The following ATP6V1H variants were observed in gnomAD, a reference collection of about 807,000 sequenced individuals.
The protein encoded by ATP6V1H is ATPase H+ transporting V1 subunit H, also known as V-type proton ATPase subunit H.
Under a neutral mutation model 71.7 loss-of-function variants are expected in ATP6V1H, and 39 were observed. The observed-to-expected ratio is 0.54, with a 90% CI of 0.42 to 0.71. ATP6V1H has a LOEUF of 0.71. Ranked by LOEUF, ATP6V1H falls within the 30% of genes least tolerant of loss-of-function variation. The pLI is 0.00. For missense variants in ATP6V1H, 509 were observed against 594.9 expected, an observed-to-expected ratio of 0.86 and a Z score of 1.50; for synonymous variants, 192 against 199.3, an observed-to-expected ratio of 0.96 and a Z score of 0.31.
At chr8:53,797,096 T>G (rs929458390) in intron 8 of ATP6V1H, among the ~76,000 whole-genome samples, 4 of 152,266 alleles carry the variant, frequency 2.6e-5, no homozygotes, top group African/African-American at 9.6e-5. Context: ...GTAAACACCC[T>G]AGTCCCTGGT....
In ATP6V1H at chr8:53,719,970, C is replaced by G. The variant is rs186494931; in HGVS notation, c.1392-3946G>C. 2.3e-3 allele frequency among the ~76,000 whole-genome samples: 348 copies of G among 152,178 alleles called. 2 individuals carry two copies. Among genetic ancestry groups the G allele is most frequent in the African/African-American group, 8.1e-3 (337 of 41,512 alleles). On this transcript the variant is annotated intron_variant, in intron 13 of 13. Transcript: ENST00000359530. Reference sequence around the variant, plus strand: ...AAATTACACTACTGTCAGGCAAAAGCAAAAACTAGTATAGATTTTACCTCA... The same window carrying G: ...AAATTACACTACTGTCAGGCAAAAGGAAAAACTAGTATAGATTTTACCTCA...
chr8:53,840,355 G>A (rs567446416), intron 2 of ATP6V1H, among the ~76,000 whole-genome samples: 17 of 152,194 alleles, frequency 1.1e-4, no homozygotes, highest in African/African-American at 3.4e-4. Flanking sequence ...AAAATTAGGC[G>A]GGCAAGGTGT....
intron 4 of ATP6V1H, among the ~76,000 whole-genome samples, chr8:53,820,049 C>G (rs985441212): frequency 3.3e-5 from 5 of 151,980 alleles, no homozygotes; most frequent in Non-Finnish European, 7.4e-5. Context: ...CAAAAGCTAT[C>G]TCTCATACTC....
At chr8:53,796,278 C>T (rs1809733745) in intron 8 of ATP6V1H, among the ~76,000 whole-genome samples, 1 of 151,872 alleles carries the variant, frequency 6.6e-6, no homozygotes, top group South Asian at 2.1e-4. Context: ...TTTGACATAG[C>T]CAATTACTGA....
At chr8:53,731,314 C>A (rs866934108) in intron 13 of ATP6V1H, among the ~76,000 whole-genome samples, 17 of 152,154 alleles carry the variant, frequency 1.1e-4, no homozygotes, top group African/African-American at 1.4e-4. Flanking sequence ...CTTATTGTCT[C>A]ATACCTCAGA....
intron 6 of ATP6V1H, among the ~76,000 whole-genome samples, chr8:53,814,009 C>A (rs1195046440): frequency 9.2e-5 from 14 of 152,094 alleles, no homozygotes; most frequent in Admixed American, 5.9e-4. Context: ...AGGGACTTGG[C>A]CAGACAAGGA....
intron 11 of ATP6V1H, among the ~76,000 whole-genome samples, chr8:53,759,049 G>A (rs1405962093): frequency 2.0e-5 from 3 of 152,170 alleles, no homozygotes; most frequent in African/African-American, 4.8e-5. Flanking sequence ...GCATCACCTG[G>A]TTACTTAGAA....
intron 8 of ATP6V1H, among the ~76,000 whole-genome samples, chr8:53,798,610 AACACACAC>A (rs59831761): frequency 9.4e-5 from 14 of 148,564 alleles, no homozygotes; most frequent in South Asian, 2.1e-4. Flanking sequence ...CAATGTGAGA[AACACACAC>A]ACACACACAC....
intron 11 of ATP6V1H, among the ~76,000 whole-genome samples, chr8:53,760,703 C>G (rs2130273571): frequency 6.6e-6 from 1 of 152,278 alleles, no homozygotes; most frequent in Non-Finnish European, 1.5e-5. Context: ...ACCCCACTGA[C>G]AGAACAGACT....
At position 53,769,604 on chromosome 8, in the gene ATP6V1H, A is replaced by C; in HGVS notation, c.1175+14T>G. On this transcript the variant is annotated intron_variant, in intron 11 of 13. Transcript: ENST00000359530. The stretch of plus-strand genomic sequence containing the variant: ...AACAGATATTAAGAGTGTAAAGTAG[A>C]ACAAAAAACTTACTTCAAGAGTTCA... 6.2e-7 allele frequency: 1 copy of C among 1,608,728 alleles called. No homozygotes were observed. Among genetic ancestry groups the C allele is most frequent in the Non-Finnish European group, 8.5e-7 (1 of 1,177,698 alleles).
chr8:53,753,997 G>A (rs921893335), intron 12 of ATP6V1H, among the ~76,000 whole-genome samples: 2 of 152,130 alleles, frequency 1.3e-5, no homozygotes, highest in African/African-American at 4.8e-5. Context: ...TTTAGTGCTA[G>A]TCCCCCAAGC....
At chr8:53,747,336 T>A (rs768876497) in intron 12 of ATP6V1H, among the ~76,000 whole-genome samples, 1 of 152,088 alleles carries the variant, frequency 6.6e-6, no homozygotes, top group Non-Finnish European at 1.5e-5. Context: ...CCCTCTAGAG[T>A]TATAAATTCA....
intron 13 of ATP6V1H, among the ~76,000 whole-genome samples, chr8:53,724,109 C>T (rs1479095748): frequency 6.6e-6 from 1 of 152,056 alleles, no homozygotes; most frequent in African/African-American, 2.4e-5. Context: ...CTGGGCAATG[C>T]CTATGCCATC....
chr8:53,825,822 C>A (rs1302576375), intron 4 of ATP6V1H, among the ~76,000 whole-genome samples: 1 of 151,888 alleles, frequency 6.6e-6, no homozygotes, highest in Non-Finnish European at 1.5e-5. Context: ...TGGTGAATTC[C>A]ACTGTAAACT....
rs1811375277 is a variant in ATP6V1H, at chr8:53,842,483, A to T, written c.-36+551T>A. On this transcript the variant is annotated intron_variant, in intron 1 of 13. Coordinates refer to ENST00000359530, the MANE Select transcript of ATP6V1H (RefSeq NM_015941.4). The stretch of plus-strand genomic sequence containing the variant: ...AAAACATAAATTCACGGCCATGGCC[A>T]CAAAGAAGTTAAAATCCTACCCAAA... 2 of 152,260 alleles carry T rather than the reference A, an allele frequency of 1.3e-5. 1 individual carries two copies. The highest frequency in any genetic ancestry group is 1.3e-4 in the Admixed American group (2 of 15,290). The allele number at this position is 152,260 out of a possible 1,614,324, so 9.4% of individuals were successfully genotyped here.
chr8:53,743,490 TTCAAA>T, intron 13 of ATP6V1H, 82 bp downstream of exon 13: 1 of 910,866 alleles, frequency 1.1e-6, no homozygotes, highest in Non-Finnish European at 1.8e-6. Context: ...AAAATGATCA[TTCAAA>T]GCATTTGCAT....
chr8:53,820,469 C>A (rs1363300127), intron 4 of ATP6V1H, among the ~76,000 whole-genome samples: 3 of 151,602 alleles, frequency 2.0e-5, no homozygotes, highest in Non-Finnish European at 4.4e-5. Context: ...AACTGCCAGC[C>A]TTGGCATATA....
intron 2 of ATP6V1H, among the ~76,000 whole-genome samples, chr8:53,838,755 CAT>C (rs1311730579): frequency 1.3e-5 from 2 of 152,120 alleles, no homozygotes; most frequent in East Asian, 1.9e-4. Flanking sequence ...AATATAAATA[CAT>C]GTTTCAAATA....
intron 8 of ATP6V1H, among the ~76,000 whole-genome samples, chr8:53,801,226 T>C (rs1809899148): frequency 7.2e-6 from 1 of 138,346 alleles, no homozygotes; most frequent in Non-Finnish European, 1.5e-5. Flanking sequence ...GTAGATTTTC[T>C]AACAGAGAAA....
Sources: gnomAD v4.1 joint callset for allele counts (sites outside exome capture counted in the v4.1 genomes callset) on GRCh38, gnomAD v4.1.1 for gene constraint, MANE v1.5 for transcripts, NCBI Gene and HGNC (gene_info 2026-07-23, HGNC 2026-07-21) for gene names.